Variants in ARHGAP22 observed in about 807,000 individuals in gnomAD.
ARHGAP22 encodes rho GTPase-activating protein 22.
ARHGAP22 carries 48 observed loss-of-function variants against 59.1 expected under a neutral mutation model. The ratio of observed to expected loss-of-function variants is 0.81; its 90% confidence interval spans 0.64 to 1.03. The LOEUF (loss-of-function observed/expected upper bound fraction) is 1.03. ARHGAP22 is among the 50% of genes least tolerant of loss of function. The pLI is 0.00. For missense variants in ARHGAP22, 1,015 were observed against 958.7 expected, an observed-to-expected ratio of 1.06 and a Z score of -0.78; for synonymous variants, 445 against 416.4, an observed-to-expected ratio of 1.07 and a Z score of -0.84.
In ARHGAP22 at chr10:48,525,736, A is replaced by G. The variant is rs1479510766; in HGVS notation, c.322+29727T>C. ...CTCACAAAATATTACTATAGTGTTC[A>G]CTCTGTACCATGCTCTGTTCTAGGC... On this transcript the variant is annotated intron_variant, in intron 3 of 9. Transcript: ENST00000249601. Among the ~76,000 whole-genome samples, 3 of 152,284 alleles carry G rather than the reference A, an allele frequency of 2.0e-5. No homozygotes were observed. In the East Asian group the frequency reaches 5.8e-4, roughly 29 times the overall value.
chr10:48,646,816 T>C (rs2062320702), intron 1 of ARHGAP22, among the ~76,000 whole-genome samples: 1 of 152,314 alleles, frequency 6.6e-6, no homozygotes, highest in African/African-American at 2.4e-5. Flanking sequence ...GTTTGTGATG[T>C]TGGGTTAGGT....
At chr10:48,440,163 A>G in the ARHGAP22 span, among the ~76,000 whole-genome samples, 2 of 150,596 alleles carry the variant, frequency 1.3e-5, no homozygotes, top group Non-Finnish European at 2.9e-5. Context: ...GAAAAGGTCT[A>G]TTAACTTGAT....
chr10:48,515,949 C>T (rs572583898), intron 3 of ARHGAP22, among the ~76,000 whole-genome samples: 19 of 151,532 alleles, frequency 1.3e-4, no homozygotes, highest in African/African-American at 2.2e-4. Flanking sequence ...AGGAGTTAGA[C>T]GCAGCAGTGA....
chr10:48,479,608 G>A, intron 4 of ARHGAP22, 28 bp downstream of exon 4: 1 of 1,613,840 alleles, frequency 6.2e-7, no homozygotes. Context: ...GGGTTCTAGA[G>A]GGTGGGCATG....
chr10:48,553,706 A>T (rs1203646658), intron 3 of ARHGAP22, among the ~76,000 whole-genome samples: 1 of 152,174 alleles, frequency 6.6e-6, no homozygotes, highest in Admixed American at 6.5e-5. Context: ...TTATATGGCA[A>T]AGGGTCTTCT....
intron 3 of ARHGAP22, among the ~76,000 whole-genome samples, chr10:48,516,836 C>T (rs1402820452): frequency 6.6e-6 from 1 of 152,000 alleles, no homozygotes; most frequent in Non-Finnish European, 1.5e-5. Flanking sequence ...ATAAAAAATC[C>T]TCAAGAAAAA....
chr10:48,639,147 G>A (rs2061942272), intron 1 of ARHGAP22, among the ~76,000 whole-genome samples: 1 of 152,164 alleles, frequency 6.6e-6, no homozygotes, highest in African/African-American at 2.4e-5. Context: ...TGTCAGGGTG[G>A]GGCATTGTCA....
chr10:48,580,391 A>T (rs560094640), intron 2 of ARHGAP22, among the ~76,000 whole-genome samples: 70 of 152,276 alleles, frequency 4.6e-4, no homozygotes, highest in Non-Finnish European at 1.3e-4. Context: ...GGCCACTTCA[A>T]GGTTCACTAT....
At chr10:48,553,148 G>C (rs1191936231) in intron 3 of ARHGAP22, among the ~76,000 whole-genome samples, 1 of 152,230 alleles carries the variant, frequency 6.6e-6, no homozygotes, top group Non-Finnish European at 1.5e-5. Context: ...CTTGGGCCCC[G>C]GGCAGCACTG....
chr10:48,532,652 A>C, intron 3 of ARHGAP22: 1 of 135,514 alleles, frequency 7.4e-6, no homozygotes, highest in African/African-American at 2.8e-5. Context: ...CCACCCCATG[A>C]CAGGCCCCAG....
intron 3 of ARHGAP22, among the ~76,000 whole-genome samples, chr10:48,535,279 T>C (rs1396781743): frequency 6.6e-6 from 1 of 152,248 alleles, no homozygotes; most frequent in Middle Eastern, 3.2e-3. Context: ...CTCAGTGGCT[T>C]AATCCCCTAA....
At chr10:48,618,310 T>C (rs1347546748) in intron 1 of ARHGAP22, among the ~76,000 whole-genome samples, 1 of 151,762 alleles carries the variant, frequency 6.6e-6, no homozygotes, top group African/African-American at 2.4e-5. Context: ...TTCCAGAAAA[T>C]ACAAGAGGAG....
At chr10:48,445,946 G>C (rs1043500499), downstream of ARHGAP22, 6 of 179,418 alleles carry the variant, frequency 3.3e-5, no homozygotes, top group Admixed American at 3.2e-4. Context: ...CATACCTCAG[G>C]GGGCTCCTAG....
At chr10:48,515,945 TA>T (rs1175155751) in intron 3 of ARHGAP22, among the ~76,000 whole-genome samples, 5 of 151,450 alleles carry the variant, frequency 3.3e-5, no homozygotes, top group Non-Finnish European at 5.9e-5. Flanking sequence ...GCCCAGGAGT[TA>T]GACGCAGCAG....
intron 1 of ARHGAP22, among the ~76,000 whole-genome samples, chr10:48,587,865 A>G (rs935288): frequency 0.075 from 11,387 of 152,284 alleles, 460 homozygotes; most frequent in Middle Eastern, 0.11. Context: ...AAAACTCGGT[A>G]ACTCATCAGC....
At chr10:48,435,035 T>C in the ARHGAP22 span, 5 of 461,554 alleles carry the variant, frequency 1.1e-5, no homozygotes, top group Non-Finnish European at 1.9e-5. Flanking sequence ...GATGACTACT[T>C]GGGCCATCGG....
intron 3 of ARHGAP22, among the ~76,000 whole-genome samples, chr10:48,541,886 C>A (rs1221472959): frequency 6.6e-6 from 1 of 152,220 alleles, no homozygotes; most frequent in African/African-American, 2.4e-5. Flanking sequence ...TATTGAGCTC[C>A]ATGGGGGGAG....
At chr10:48,595,278 G>A (rs1215408127) in intron 1 of ARHGAP22, among the ~76,000 whole-genome samples, 1 of 152,204 alleles carries the variant, frequency 6.6e-6, no homozygotes, top group African/African-American at 2.4e-5. Flanking sequence ...TTGATTTAAA[G>A]GGTAAGTATT....
intron 2 of ARHGAP22, among the ~76,000 whole-genome samples, chr10:48,557,566 CA>C (rs1009620607): frequency 7.9e-5 from 12 of 152,192 alleles, no homozygotes; most frequent in African/African-American, 2.7e-4. Context: ...CCACCGCCCA[CA>C]AGGGTGTGCT....
Sources: allele counts gnomAD v4.1 joint callset (sites outside exome capture counted in the v4.1 genomes callset), GRCh38; gene constraint gnomAD v4.1.1; transcripts MANE v1.5; gene names NCBI Gene and HGNC (gene_info 2026-07-23, HGNC 2026-07-21).